The following LEF1 variants were observed in gnomAD, a reference collection of about 807,000 sequenced individuals.
The protein encoded by LEF1 is lymphoid enhancer binding factor 1.
Under a neutral mutation model 51.2 loss-of-function variants are expected in LEF1, and 14 were observed. The observed-to-expected ratio is 0.27, with a 90% CI of 0.18 to 0.43. The LOEUF (loss-of-function observed/expected upper bound fraction) is 0.43, where lower values mean the gene tolerates loss of function less well. Among genes scored for constraint, LEF1 ranks in the 20% least tolerant of loss-of-function variants. LEF1 has a pLI of 1.00. For synonymous variants in LEF1, 185 were observed against 183.2 expected (o/e 1.01, Z -0.08); for missense variants, 386 against 512.0 (o/e 0.75, Z 2.37).
At chr4:108,151,693 G>A (rs1260632640) in intron 3 of LEF1, among the ~76,000 whole-genome samples, 1 of 152,140 alleles carries the variant, frequency 6.6e-6, no homozygotes, top group Non-Finnish European at 1.5e-5. Flanking sequence ...ATGGGCTAAC[G>A]CACAGAAGGG....
intron 3 of LEF1, among the ~76,000 whole-genome samples, chr4:108,099,886 T>C (rs1297591223): frequency 1.3e-5 from 2 of 152,034 alleles, no homozygotes; most frequent in African/African-American, 4.8e-5. Flanking sequence ...GAAGCAGTTA[T>C]ATGTAACTTC....
chr4:108,135,061 T>C (rs535143937), intron 3 of LEF1, among the ~76,000 whole-genome samples: 2 of 152,248 alleles, frequency 1.3e-5, no homozygotes, highest in South Asian at 2.1e-4. Context: ...GGTGCTAATA[T>C]AGATTACAAT....
Position 108,104,633 on chromosome 4 carries a change from T to A in LEF1, c.415-15376A>T, listed in dbSNP as rs946993419. Reference sequence around the variant, plus strand: ...ACAGCAAAGTACGACATATTGTATATGTTTAGGCAGACAGGTGACACCCAA... The same window carrying A: ...ACAGCAAAGTACGACATATTGTATAAGTTTAGGCAGACAGGTGACACCCAA... On this transcript the variant is annotated intron_variant, in intron 3 of 11. Coordinates refer to ENST00000265165, the MANE Select transcript of LEF1 (RefSeq NM_016269.5). 3.6e-5 allele frequency: 35 copies of A among 967,438 alleles called. No homozygotes were observed. In the African/African-American group the frequency reaches 5.4e-4, roughly 15 times the overall value. The allele number at this position is 967,438 out of a possible 1,614,324, so 59.9% of individuals were successfully genotyped here.
intron 3 of LEF1, among the ~76,000 whole-genome samples, chr4:108,121,704 C>A (rs550471950): frequency 2.6e-5 from 4 of 152,322 alleles, no homozygotes; most frequent in Non-Finnish European, 5.9e-5. Flanking sequence ...GCAAAGGCCA[C>A]TAGTCCCTGC....
At chr4:108,063,814 C>A in intron 10 of LEF1, 151 bp from the exon 11 acceptor site, 1 of 546,186 alleles carries the variant, frequency 1.8e-6, no homozygotes, top group Non-Finnish European at 3.2e-6. Context: ...CAAGTAGTGG[C>A]CTTATTTTTA....
At chr4:108,119,993 ATGTGTGTGTGTGTGTGTGTGTGTG>A (rs34987010) in intron 3 of LEF1, among the ~76,000 whole-genome samples, 1 of 149,486 alleles carries the variant, frequency 6.7e-6, no homozygotes, top group East Asian at 2.0e-4. Context: ...TATTTTATAT[ATGTGTGTGTGTGTGTGTGTGTGTG>A]TGTGTGTGTG....
chr4:108,147,956 C>A (rs1415105481), intron 3 of LEF1, among the ~76,000 whole-genome samples: 2 of 152,186 alleles, frequency 1.3e-5, no homozygotes, highest in Non-Finnish European at 2.9e-5. Flanking sequence ...AACTTATCTA[C>A]CTTCATAATA....
chr4:108,052,899 T>C (rs556527651), intron 11 of LEF1, among the ~76,000 whole-genome samples: 2 of 152,300 alleles, frequency 1.3e-5, no homozygotes, highest in East Asian at 3.9e-4. Flanking sequence ...ATTATCATCA[T>C]TACAGTTTGC....
chr4:108,081,725 T>C, intron 5 of LEF1, 56 bp from the exon 6 acceptor site: 1 of 1,261,768 alleles, frequency 7.9e-7, no homozygotes, highest in Non-Finnish European at 1.2e-6. Context: ...TACCAACCAG[T>C]AGTAAGAGTT....
At chr4:108,081,502 C>G (rs1292329628) in intron 6 of LEF1, 84 bp downstream of exon 6, 1 of 1,131,132 alleles carries the variant, frequency 8.8e-7, no homozygotes, top group Non-Finnish European at 1.3e-6. Context: ...TCCTAGCCAA[C>G]CAAAAGGCAA....
chr4:108,070,621 T>A (rs1490389936), intron 9 of LEF1, 42 bp downstream of exon 9: 4 of 1,283,234 alleles, frequency 3.1e-6, no homozygotes, highest in Non-Finnish European at 4.5e-6. Context: ...AAAGAGCGAA[T>A]GAGTGAGAGT....
intron 3 of LEF1, among the ~76,000 whole-genome samples, chr4:108,131,610 C>T (rs1742903625): frequency 6.6e-6 from 1 of 152,058 alleles, no homozygotes; most frequent in South Asian, 2.1e-4. Context: ...TGCTGAATAC[C>T]CACCAAATGC....
chr4:108,115,271 G>A (rs890921285), intron 3 of LEF1, among the ~76,000 whole-genome samples: 2 of 152,204 alleles, frequency 1.3e-5, no homozygotes, highest in East Asian at 3.8e-4. Context: ...AACAGTAGTA[G>A]TAAGTAGAAA....
intron 3 of LEF1, among the ~76,000 whole-genome samples, chr4:108,130,725 G>C (rs1316542182): frequency 7.0e-6 from 1 of 142,196 alleles, no homozygotes; most frequent in African/African-American, 2.6e-5. Flanking sequence ...GTGAGACTCC[G>C]ACTCAAAAAA....
At chr4:108,162,071 A>G (rs1051307813) in intron 3 of LEF1, among the ~76,000 whole-genome samples, 5 of 152,178 alleles carry the variant, frequency 3.3e-5, no homozygotes, top group Admixed American at 3.3e-4. Flanking sequence ...AGGGGCCTCT[A>G]AATATTAAAC....
chr4:108,154,443 C>CAA (rs10672899), intron 3 of LEF1, among the ~76,000 whole-genome samples: 9,909 of 71,602 alleles, frequency 0.14, 1,515 homozygotes, highest in African/African-American at 0.22. Flanking sequence ...AAGGTAGTAG[C>CAA]AAAAAAAAAA....
intron 7 of LEF1, 110 bp downstream of exon 7, chr4:108,079,382 G>T: frequency 1.6e-6 from 2 of 1,245,064 alleles, no homozygotes; most frequent in Non-Finnish European, 2.3e-6. Flanking sequence ...GAGGTGCATT[G>T]AGTTTCACAG....
intron 3 of LEF1, among the ~76,000 whole-genome samples, chr4:108,106,012 A>G (rs1741138318): frequency 1.3e-5 from 2 of 152,146 alleles, no homozygotes; most frequent in Non-Finnish European, 2.9e-5. Context: ...TCGGGCTCCA[A>G]ATGTTGCCAC....
rs115933424 is a variant in LEF1 at position 108,079,852 on chromosome 4, C to T, written c.723-238G>A. Among the ~76,000 whole-genome samples the T allele has an allele frequency of 4.9e-3, 746 of 151,740 alleles. 7 individuals carry two copies. The highest frequency in any genetic ancestry group is 0.016 in the African/African-American group (679 of 41,370). The stretch of plus-strand genomic sequence containing the variant: ...AAGCAATTTTGAAATAGGAATTTCA[C>T]GAAAAGTAATTATTGGAAATATAAC... On this transcript the variant is annotated intron_variant, in intron 6 of 11. Transcript: ENST00000265165.
Sources: allele counts gnomAD v4.1 joint callset (sites outside exome capture counted in the v4.1 genomes callset), GRCh38; gene constraint gnomAD v4.1.1; transcripts MANE v1.5; gene names NCBI Gene and HGNC (gene_info 2026-07-23, HGNC 2026-07-21).